ZNF749: variants seen among roughly 807,000 people sequenced by gnomAD.
The protein encoded by ZNF749 is zinc finger protein 749.
Under a neutral mutation model 7.3 loss-of-function variants are expected in ZNF749, and 8 were observed. The observed-to-expected ratio is 1.10, with a 90% confidence interval of 0.64 to 1.98. The LOEUF (loss-of-function observed/expected upper bound fraction) is 1.98. Among genes scored for constraint, ZNF749 ranks in the 30% most tolerant of loss-of-function variants. The pLI, the probability that ZNF749 is intolerant of heterozygous loss-of-function variation, is 0.00. For missense variants in ZNF749, 898 were observed against 932.4 expected, an observed-to-expected ratio of 0.96 and a Z score of 0.48; for synonymous variants, 310 against 322.4, an observed-to-expected ratio of 0.96 and a Z score of 0.41.
In ZNF749 at chr19:57,436,909, G is replaced by A. The variant is rs1402152143; in HGVS notation, c.15+1316G>A. On this transcript the variant is annotated intron_variant, in intron 1 of 2. Coordinates refer to ENST00000334181, the MANE Select transcript of ZNF749 (RefSeq NM_001023561.4). The surrounding 1 kb of genome is among the most constrained non-coding windows in gnomAD (Gnocchi z 4.0). ...TCTAGTTTAAAGAGAGTTTATTCAAGTTCACATGTTGATGATAGCCATCTG... is the reference window on the plus strand; with the variant it reads ...TCTAGTTTAAAGAGAGTTTATTCAAATTCACATGTTGATGATAGCCATCTG... Among the ~76,000 whole-genome samples the A allele has an allele frequency of 6.6e-6, 1 of 152,118 alleles. No homozygotes were observed. Among genetic ancestry groups the A allele is most frequent in the African/African-American group, 2.4e-5 (1 of 41,420 alleles).
rs2089026118 is a variant in ZNF749, at chr19:57,444,053, A to C, written c.905A>C (p.Gln302Pro). 1 of 1,613,872 alleles carries C rather than the reference A, an allele frequency of 6.2e-7. No homozygotes were observed. Reference sequence around the variant, plus strand: ...AGACCAACACCTTATGAATGCACCCAGTGTGGGAAGGCCTTTCTTACACAG... The same window carrying C: ...AGACCAACACCTTATGAATGCACCCCGTGTGGGAAGGCCTTTCTTACACAG... ...LSRPTPYECT[Q>P]CGKAFLTQAH... is the part of the protein sequence containing the mutation. Residue 302 changes from glutamine to proline, a missense_variant, in exon 3 of 3, where the codon CAG becomes CCG. Transcript: ENST00000334181.
rs774784141 is a variant in ZNF749 at position 57,441,962 on chromosome 19, C to A, written c.93C>A (p.His31Gln). Residue 31 changes from histidine (H) to glutamine (Q), a missense_variant, in exon 2 of 3, where the codon CAC becomes CAA. Physicochemically the swap from His to Gln is conservative, Grantham distance 24. Transcript: ENST00000334181. Reference protein sequence around the residue: ...EWGILNDAQRHLHSNVMLENF... With the variant: ...EWGILNDAQRQLHSNVMLENF... ...GGATCCTTAATGATGCTCAGAGACACCTGCACAGCAATGTGATGTTGGAGA... is the reference window on the plus strand; with the variant it reads ...GGATCCTTAATGATGCTCAGAGACAACTGCACAGCAATGTGATGTTGGAGA... 1 of 1,614,162 alleles carries A rather than the reference C, an allele frequency of 6.2e-7. No homozygotes were observed. Among genetic ancestry groups the A allele is most frequent in the Admixed American group, 1.7e-5 (1 of 60,026 alleles).
Position 57,445,607 on chromosome 19 carries a change from G to C in ZNF749, c.*122G>C. 1.4e-6 allele frequency: 2 copies of C among 1,443,876 alleles called. No homozygotes were observed. The highest frequency in any genetic ancestry group is 4.7e-5 in the East Asian group (2 of 42,622). 89.4% of individuals were successfully genotyped at this position (1,443,876 alleles called of 1,614,324 possible). Reference sequence around the variant, plus strand: ...GTTGAAAGAGTTCAGATGGAAATCTGCGAGGATTTCCTGCTGGGAACTACA... The same window carrying C: ...GTTGAAAGAGTTCAGATGGAAATCTCCGAGGATTTCCTGCTGGGAACTACA... On this transcript the variant is annotated 3_prime_UTR_variant, in exon 3 of 3. Coordinates refer to ENST00000334181, the MANE Select transcript of ZNF749 (RefSeq NM_001023561.4).
At chr19:57,433,122 G>A (rs1312466469), upstream of ZNF749, among the ~76,000 whole-genome samples, 1 of 128,178 alleles carries the variant, frequency 7.8e-6, no homozygotes, top group African/African-American at 2.6e-5. Flanking sequence ...GTGTGTGTGT[G>A]TGTGTGTGTG....
intron 1 of ZNF749, among the ~76,000 whole-genome samples, chr19:57,440,224 C>T (rs190558760): frequency 1.3e-4 from 20 of 152,040 alleles, no homozygotes; most frequent in Non-Finnish European, 1.3e-4. Flanking sequence ...AACTGTGAGA[C>T]TACTTTAGGG....
chr19:57,446,469 A>G lies in ZNF749; in HGVS notation c.*984A>G, dbSNP rs2089066897. ...ACGCCAACCAGCCCCTGACAATACTACTGTATGAATTTTACTATAAATATC... is the reference window on the plus strand; with the variant it reads ...ACGCCAACCAGCCCCTGACAATACTGCTGTATGAATTTTACTATAAATATC... On this transcript the variant is annotated 3_prime_UTR_variant, in exon 3 of 3. Transcript: ENST00000334181. 6.6e-6 allele frequency among the ~76,000 whole-genome samples: 1 copy of G among 152,104 alleles called. No homozygotes were observed. The highest frequency in any genetic ancestry group is 1.5e-5 in the Non-Finnish European group (1 of 68,012).
Position 57,435,569 on chromosome 19 carries a change from G to T in ZNF749, c.-10G>T. The T allele has an allele frequency of 6.2e-7, 1 of 1,604,680 alleles. No homozygotes were observed. On this transcript the variant is annotated 5_prime_UTR_variant, in exon 1 of 3. The change creates a new upstream start codon in the 5' untranslated region. Coordinates refer to ENST00000334181, the MANE Select transcript of ZNF749 (RefSeq NM_001023561.4). The stretch of plus-strand genomic sequence containing the variant: ...GCTCTTCCCTGGGTGGACTGGAGGA[G>T]GCCGCGCCGATGAACCTGACCGAGG...
Position 57,442,044 on chromosome 19 carries a change from G to A in ZNF749, c.142+33G>A. 2 of 1,601,856 alleles carry A rather than the reference G, an allele frequency of 1.2e-6. No individual in the cohort carries two copies. Among genetic ancestry groups the A allele is most frequent in the South Asian group, 1.1e-5 (1 of 89,456 alleles). On this transcript the variant is annotated intron_variant, in intron 2 of 2. Transcript: ENST00000334181. The surrounding 1 kb of genome is among the most constrained non-coding windows in gnomAD (Gnocchi z 6.6). Reference sequence around the variant, plus strand: ...CTTCATACCTACTCTGGTGTCTTGTGCTGGGTGCTGTTTTTTTGCTCTTTT... The same window carrying A: ...CTTCATACCTACTCTGGTGTCTTGTACTGGGTGCTGTTTTTTTGCTCTTTT...
chr19:57,431,623 A>G (rs1475834383), upstream of ZNF749, among the ~76,000 whole-genome samples: 1 of 152,112 alleles, frequency 6.6e-6, no homozygotes, highest in Non-Finnish European at 1.5e-5. Flanking sequence ...AAATCTGAGA[A>G]TACTCTTTCT....
In ZNF749 at chr19:57,445,151, A is replaced by C; in HGVS notation, c.2003A>C (p.Tyr668Ser). ...HQRVHTGEKP[Y>S]ECSNCGKFLR... ...AGAGTTCATACTGGAGAAAAGCCTT[A>C]TGAATGCAGCAACTGTGGGAAGTTT... Residue 668 changes from tyrosine to serine, a missense_variant, in exon 3 of 3, where the codon TAT becomes TCT. By Grantham distance (144) the Tyr-to-Ser change is moderately radical. Coordinates refer to ENST00000334181, the MANE Select transcript of ZNF749 (RefSeq NM_001023561.4). 1 of 1,614,176 alleles carries C rather than the reference A, an allele frequency of 6.2e-7. No homozygotes were observed. The highest frequency in any genetic ancestry group is 8.5e-7 in the Non-Finnish European group (1 of 1,180,032).
chr19:57,433,489 A>G (rs2088909446), upstream of ZNF749, among the ~76,000 whole-genome samples: 1 of 152,186 alleles, frequency 6.6e-6, no homozygotes, highest in Non-Finnish European at 1.5e-5. Flanking sequence ...ATAAGGAACT[A>G]TCCACGTTAG....
intron 1 of ZNF749, 107 bp downstream of exon 1, chr19:57,435,700 T>C: frequency 2.0e-6 from 3 of 1,502,936 alleles, no homozygotes; most frequent in Non-Finnish European, 2.7e-6. Context: ...AGAGGGGCGT[T>C]CTTGTGTGGG....
chr19:57,435,596 G>A lies in ZNF749; in HGVS notation c.15+3G>A. On this transcript the variant is annotated splice_donor_region_variant and intron_variant, in intron 1 of 2. Transcript: ENST00000334181. ...CCGCGCCGATGAACCTGACCGAGGT[G>A]CGTGCAGCGTCCCAGGCCGCCCCGC... The A allele has an allele frequency of 1.2e-6, 2 of 1,606,164 alleles. No homozygotes were observed. Among genetic ancestry groups the A allele is most frequent in the Non-Finnish European group, 1.7e-6 (2 of 1,177,418 alleles).
intron 1 of ZNF749, among the ~76,000 whole-genome samples, chr19:57,440,372 A>G (rs187276793): frequency 2.6e-5 from 4 of 151,690 alleles, no homozygotes; most frequent in Admixed American, 2.6e-4. Flanking sequence ...GTACATTGCA[A>G]AAGGGGGAGA....
chr19:57,441,751 A>G (rs1908939722), intron 1 of ZNF749, 134 bp from the exon 2 acceptor site: 1 of 1,041,482 alleles, frequency 9.6e-7, no homozygotes. Context: ...TGGGATCTGG[A>G]TCGCAAGGGA....
chr19:57,447,089 T>C lies in ZNF749; in HGVS notation c.*1604T>C, dbSNP rs1044555920. Among the ~76,000 whole-genome samples, 1 of 152,192 alleles carries C rather than the reference T, an allele frequency of 6.6e-6. No homozygotes were observed. The highest frequency in any genetic ancestry group is 2.4e-5 in the African/African-American group (1 of 41,458). ...TTTTTCTTTAGTAATAAATTAACCT[T>C]AGTCTACTGTAACGTTTTTACTTCA... On this transcript the variant is annotated 3_prime_UTR_variant, in exon 3 of 3. Transcript: ENST00000334181.
chr19:57,441,033 G>A (rs1193405560), intron 1 of ZNF749, among the ~76,000 whole-genome samples: 1 of 150,398 alleles, frequency 6.6e-6, no homozygotes, highest in Non-Finnish European at 1.5e-5. Context: ...GGCTGAGGCA[G>A]GAGAATTGCT....
At chr19:57,435,780 G>T (rs1255566861) in intron 1 of ZNF749, 187 bp downstream of exon 1, 7 of 1,210,358 alleles carry the variant, frequency 5.8e-6, no homozygotes, top group African/African-American at 3.1e-5. Flanking sequence ...CGTCTCTGGG[G>T]CTTGGAGGCA....
Position 57,445,547 on chromosome 19 carries a change from C to G in ZNF749, c.*62C>G. On this transcript the variant is annotated 3_prime_UTR_variant, in exon 3 of 3. Coordinates refer to ENST00000334181, the MANE Select transcript of ZNF749 (RefSeq NM_001023561.4). ...TCATTCAGCACCAAAAGGTTCACAT[C>G]GGACCAAGAACCTATTAATATATGT... 6.5e-6 allele frequency: 10 copies of G among 1,535,372 alleles called. No individual in the cohort carries two copies. The highest frequency in any genetic ancestry group is 7.9e-6 in the Non-Finnish European group (9 of 1,145,978).
Sources: gnomAD v4.1 joint callset for allele counts (sites outside exome capture counted in the v4.1 genomes callset) on GRCh38, gnomAD v4.1.1 for gene constraint, Gnocchi (gnomAD v3.1) non-coding constraint, MANE v1.5 for transcripts, NCBI Gene and HGNC (gene_info 2026-07-23, HGNC 2026-07-21) for gene names.